The following VDAC1 variants were observed in gnomAD, a reference collection of about 807,000 sequenced individuals.
VDAC1 encodes non-selective voltage-gated ion channel VDAC1.
In VDAC1, 10 loss-of-function variants were observed where a neutral mutation model predicts 34.7. That is an observed-to-expected ratio of 0.29 (90% CI 0.18 to 0.49). The LOEUF (loss-of-function observed/expected upper bound fraction) is 0.49, where lower values mean the gene tolerates loss of function less well. Among genes scored for constraint, VDAC1 ranks in the 20% least tolerant of loss-of-function variants. The probability of loss-of-function intolerance (pLI) is 0.99; values close to 1 mark genes in which losing one functional copy is unlikely to be tolerated. For missense variants in VDAC1, 230 were observed against 347.9 expected (o/e 0.66, Z 2.69); for synonymous variants, 130 against 136.0 (o/e 0.96, Z 0.30).
chr5:134,051,697 TTTTG>T, the VDAC1 span, among the ~76,000 whole-genome samples: 4 of 151,686 alleles, frequency 2.6e-5, no homozygotes, highest in East Asian at 5.8e-4. Context: ...TTGTTTTTGT[TTTTG>T]TTTTTTTGTT....
the VDAC1 span, among the ~76,000 whole-genome samples, chr5:134,047,838 G>A: frequency 6.6e-6 from 1 of 152,286 alleles, no homozygotes; most frequent in Non-Finnish European, 1.5e-5. Context: ...CAGAGGCACA[G>A]TTCACCACAG....
chr5:133,986,405 T>G (rs1266764082), intron 5 of VDAC1, among the ~76,000 whole-genome samples: 2 of 145,706 alleles, frequency 1.4e-5, no homozygotes, highest in Admixed American at 1.4e-4. Context: ...TTTAGTTTTG[T>G]TTTTTTTTTG....
At chr5:133,977,652 G>C (rs1752530458) in intron 6 of VDAC1, among the ~76,000 whole-genome samples, 1 of 152,334 alleles carries the variant, frequency 6.6e-6, no homozygotes, top group South Asian at 2.1e-4. Context: ...ATCATAGACT[G>C]TCTCTCATTA....
At chr5:134,059,020 A>G in the VDAC1 span, among the ~76,000 whole-genome samples, 2 of 152,248 alleles carry the variant, frequency 1.3e-5, no homozygotes, top group Admixed American at 6.5e-5. Context: ...CAGAACAGGC[A>G]AGCCAGAGTG....
the VDAC1 span, among the ~76,000 whole-genome samples, chr5:134,011,555 A>C: frequency 6.6e-6 from 1 of 151,868 alleles, no homozygotes; most frequent in East Asian, 1.9e-4. Context: ...GAGATCATAC[A>C]GATGTTACGG....
chr5:134,090,402 G>A, the VDAC1 span, among the ~76,000 whole-genome samples: 1 of 152,156 alleles, frequency 6.6e-6, no homozygotes, highest in African/African-American at 2.4e-5. Context: ...AGATGGGAAG[G>A]GTGCGTGGAT....
At chr5:134,045,616 G>T in the VDAC1 span, among the ~76,000 whole-genome samples, 1 of 152,000 alleles carries the variant, frequency 6.6e-6, no homozygotes, top group Non-Finnish European at 1.5e-5. Context: ...TCTTTGAAGG[G>T]CCCTTGGGGT....
intron 5 of VDAC1, among the ~76,000 whole-genome samples, chr5:133,985,909 GTGCACCACC>G (rs1752890506): frequency 6.6e-6 from 1 of 152,200 alleles, no homozygotes; most frequent in Non-Finnish European, 1.5e-5. Flanking sequence ...GACCAGTGGT[GTGCACCACC>G]TGCACCAGTT....
At chr5:134,061,963 T>C in the VDAC1 span, among the ~76,000 whole-genome samples, 1 of 151,644 alleles carries the variant, frequency 6.6e-6, no homozygotes, top group Non-Finnish European at 1.5e-5. Flanking sequence ...TGGTCAAGAA[T>C]TGTTTTTTGG....
chr5:134,046,263 C>T, the VDAC1 span, among the ~76,000 whole-genome samples: 7 of 151,742 alleles, frequency 4.6e-5, no homozygotes, highest in South Asian at 2.1e-4. Context: ...CTCCTGACCT[C>T]GTGATCCACC....
At chr5:134,041,542 G>A in the VDAC1 span, among the ~76,000 whole-genome samples, 6 of 152,210 alleles carry the variant, frequency 3.9e-5, no homozygotes, top group African/African-American at 9.7e-5. Flanking sequence ...GGACATCAGC[G>A]CTGTGAGTGG....
the VDAC1 span, among the ~76,000 whole-genome samples, chr5:134,017,652 G>A: frequency 6.6e-6 from 1 of 152,152 alleles, no homozygotes; most frequent in East Asian, 1.9e-4. Context: ...GGTGGCTCAC[G>A]CTTGTAATCC....
At chr5:134,044,838 G>T in the VDAC1 span, among the ~76,000 whole-genome samples, 1 of 152,218 alleles carries the variant, frequency 6.6e-6, no homozygotes, top group Non-Finnish European at 1.5e-5. Context: ...AGAGCTAGGG[G>T]CACAGAAGAG....
chr5:134,109,626 C>T, the VDAC1 span, among the ~76,000 whole-genome samples: 1 of 152,010 alleles, frequency 6.6e-6, no homozygotes, highest in Non-Finnish European at 1.5e-5. Context: ...AAAAATTAGC[C>T]GAGCGTGGTG....
chr5:134,102,273 T>G, the VDAC1 span, among the ~76,000 whole-genome samples: 2 of 152,058 alleles, frequency 1.3e-5, no homozygotes, highest in African/African-American at 4.8e-5. Flanking sequence ...CCGGGGCCAG[T>G]GCAGTGAGTG....
chr5:134,006,713 A>C (rs994648891), upstream of VDAC1, among the ~76,000 whole-genome samples: 1 of 145,630 alleles, frequency 6.9e-6, no homozygotes, highest in Non-Finnish European at 1.5e-5. Context: ...GCTGTACTCC[A>C]GCCTGACTGA....
intron 5 of VDAC1, among the ~76,000 whole-genome samples, chr5:133,985,185 CTCTT>C (rs1425898207): frequency 2.6e-5 from 4 of 152,286 alleles, no homozygotes; most frequent in Admixed American, 6.5e-5. Context: ...ATTTGTCAGT[CTCTT>C]TCTTTGGCTG....
the VDAC1 span, among the ~76,000 whole-genome samples, chr5:134,073,939 TG>T: frequency 1.3e-5 from 2 of 152,136 alleles, no homozygotes; most frequent in African/African-American, 4.8e-5. Flanking sequence ...GGGACAGAGA[TG>T]GGAGAACTCT....
chr5:134,066,539 C>G, the VDAC1 span, among the ~76,000 whole-genome samples: 9 of 152,320 alleles, frequency 5.9e-5, no homozygotes, highest in African/African-American at 1.9e-4. Flanking sequence ...TATTGGTTAG[C>G]TGCTTTTGCA....
Sources: allele counts gnomAD v4.1 joint callset (sites outside exome capture counted in the v4.1 genomes callset), GRCh38; gene constraint gnomAD v4.1.1; transcripts MANE v1.5; gene names NCBI Gene and HGNC (gene_info 2026-07-23, HGNC 2026-07-21).